Variants in PRDM10 observed in about 807,000 individuals in gnomAD.
PRDM10 encodes the protein PR domain zinc finger protein 10.
In PRDM10, 65 loss-of-function variants were observed where a neutral mutation model predicts 133.1. That is an observed-to-expected ratio of 0.49 (90% CI 0.40 to 0.60). The LOEUF is 0.60. Ranked by LOEUF, PRDM10 falls within the 20% of genes least tolerant of loss-of-function variation. PRDM10 has a pLI of 0.00. For synonymous variants in PRDM10, 582 were observed against 580.4 expected (o/e 1.00, Z -0.04); for missense variants, 1,137 against 1,507.1 (o/e 0.75, Z 4.07).
In PRDM10 at chr11:129,932,094, C is replaced by T. The variant is rs755775535; in HGVS notation, c.1287+8G>A. The T allele has an allele frequency of 2.5e-5, 41 of 1,613,120 alleles. No individual in the cohort carries two copies. The South Asian group carries it at 4.3e-4, about 17-fold the overall frequency. On this transcript the variant is annotated splice_region_variant and intron_variant, in intron 10 of 20. Coordinates refer to ENST00000360871, the MANE Select transcript of PRDM10 (RefSeq NM_199437.2). The stretch of plus-strand genomic sequence containing the variant: ...ACCTAAGGAGGGCTCCTTCCCGTCC[C>T]CCCGTACCTGTGTCCCATCGTCACT...
In PRDM10 at chr11:129,993,544, G is replaced by A. The variant is rs187074674; in HGVS notation, c.-119+9178C>T. ...GTGTCGCCCAGGCTGGAGTGCAGTG[G>A]TGCGATCTCGGATCACTGCAAGCTC... On this transcript the variant is annotated intron_variant, in intron 1 of 20. Coordinates refer to ENST00000360871, the MANE Select transcript of PRDM10 (RefSeq NM_199437.2). 2.7e-3 allele frequency among the ~76,000 whole-genome samples: 413 copies of A among 152,078 alleles called. 1 individual carries two copies. The highest frequency in any genetic ancestry group is 9.2e-3 in the African/African-American group (382 of 41,452).
chr11:129,909,169 G>A (rs1950104244), intron 19 of PRDM10, among the ~76,000 whole-genome samples: 1 of 152,038 alleles, frequency 6.6e-6, no homozygotes, highest in African/African-American at 2.4e-5. Context: ...ATAGTTTGTG[G>A]CCGGGCACAG....
chr11:129,929,267 A>T, intron 11 of PRDM10: 1 of 726,524 alleles, frequency 1.4e-6, no homozygotes, highest in South Asian at 2.4e-5. Flanking sequence ...TTACAAATAA[A>T]TTATCATTAT....
At chr11:129,976,022 G>A (rs562242550) in intron 1 of PRDM10, among the ~76,000 whole-genome samples, 29 of 152,246 alleles carry the variant, frequency 1.9e-4, no homozygotes, top group African/African-American at 7.0e-4. Flanking sequence ...TATCTCCAAG[G>A]TTTCTCAGGG....
At chr11:129,955,444 G>C (rs148249427) in intron 4 of PRDM10, 68 bp downstream of exon 4, 1 of 1,470,996 alleles carries the variant, frequency 6.8e-7, no homozygotes, top group African/African-American at 1.4e-5. Context: ...AGTGCAAAGG[G>C]ATGGGGCATT....
chr11:129,905,899 C>T (rs1024238644), intron 19 of PRDM10, among the ~76,000 whole-genome samples, 158 bp from the exon 20 acceptor site: 5 of 152,174 alleles, frequency 3.3e-5, no homozygotes, highest in East Asian at 3.8e-4. Context: ...ATCTCTGCTA[C>T]GAATTGAGAA....
chr11:129,985,400 GTACAA>G (rs1225776313), intron 1 of PRDM10, among the ~76,000 whole-genome samples: 2 of 151,928 alleles, frequency 1.3e-5, no homozygotes, highest in Non-Finnish European at 2.9e-5. Flanking sequence ...ACATGATCTC[GTACAA>G]TACAACTGTC....
Position 129,916,691 on chromosome 11 carries a change from T to C in PRDM10, c.2325+436A>G, listed in dbSNP as rs1950368530. ...ATAAATATATATTCTGTGTCTTTTCTGTAACTACATGAAAATAATGCAATA... is the reference window on the plus strand; with the variant it reads ...ATAAATATATATTCTGTGTCTTTTCCGTAACTACATGAAAATAATGCAATA... On this transcript the variant is annotated intron_variant, in intron 15 of 20. Transcript: ENST00000360871. Among the ~76,000 whole-genome samples, 2 of 152,212 alleles carry C rather than the reference T, an allele frequency of 1.3e-5. 1 individual carries two copies. Among genetic ancestry groups the C allele is most frequent in the South Asian group, 4.1e-4 (2 of 4,830 alleles).
chr11:129,923,625 C>G lies in PRDM10; in HGVS notation c.1879-222G>C, dbSNP rs1430108920. Reference sequence around the variant, plus strand: ...CAGAAAGCCTTAGAAATCCGAACCTCCCCGATGACTTGAAACGTGAGAGAG... The same window carrying G: ...CAGAAAGCCTTAGAAATCCGAACCTGCCCGATGACTTGAAACGTGAGAGAG... On this transcript the variant is annotated intron_variant, in intron 12 of 20. Coordinates refer to ENST00000360871, the MANE Select transcript of PRDM10 (RefSeq NM_199437.2). This position sits in a 1 kb window ranked among gnomAD's most constrained non-coding sequence, Gnocchi z 4.4. Among the ~76,000 whole-genome samples the G allele has an allele frequency of 6.7e-5, 9 of 134,094 alleles. No homozygotes were observed. The Admixed American group carries it at 7.8e-4, about 12-fold the overall frequency. The allele number at this position is 134,094 out of a possible 152,430, so 88.0% of individuals were successfully genotyped here.
intron 1 of PRDM10, among the ~76,000 whole-genome samples, chr11:129,967,409 CA>C (rs1219993997): frequency 6.6e-6 from 1 of 151,896 alleles, no homozygotes; most frequent in Non-Finnish European, 1.5e-5. Flanking sequence ...AAAAAATAAA[CA>C]AAAAAACCCA....
At chr11:129,943,799 C>A (rs1332486036) in intron 6 of PRDM10, among the ~76,000 whole-genome samples, 1 of 151,844 alleles carries the variant, frequency 6.6e-6, no homozygotes, top group East Asian at 2.0e-4. Context: ...TCAAGACCAT[C>A]CTGGCTAACA....
At chr11:129,926,286 CA>C (rs1362282337) in intron 11 of PRDM10, among the ~76,000 whole-genome samples, 3 of 152,178 alleles carry the variant, frequency 2.0e-5, no homozygotes, top group African/African-American at 7.2e-5. Context: ...AGCAGATCGA[CA>C]AAATCACCTC....
chr11:129,901,798 CATTTTA>C lies in PRDM10; in HGVS notation c.*509_*514del, dbSNP rs1949850811. 1 of 152,522 alleles carries C rather than the reference CATTTTA, an allele frequency of 6.6e-6. No individual in the cohort carries two copies. The highest frequency in any genetic ancestry group is 2.4e-5 in the African/African-American group (1 of 41,452). 9.4% of individuals were successfully genotyped at this position (152,522 alleles called of 1,614,324 possible). The stretch of plus-strand genomic sequence containing the variant: ...TATCACTGTCAAACTTTTGTTTCAT[CATTTTA>C]ATTTTGTTATTCAGCAGGCTCCCTT... On this transcript the variant is annotated 3_prime_UTR_variant, in exon 21 of 21. Transcript: ENST00000360871.
chr11:129,942,489 G>A lies in PRDM10; in HGVS notation c.903C>T (p.Tyr301=), dbSNP rs1408033003. Residue 301 remains tyrosine (Y), a synonymous_variant, in exon 7 of 21, where the codon TAC becomes TAT. Coordinates refer to ENST00000360871, the MANE Select transcript of PRDM10 (RefSeq NM_199437.2). The stretch of plus-strand genomic sequence containing the variant: ...TATAATACACATGGTGGCCATACTG[G>A]TAAGCCACCAGGTTCTGCTCCAGGT... The part of the protein sequence containing the change: ...QNHLEQNLVA[Y]QYGHHVYYTT... 2 of 1,613,912 alleles carry A rather than the reference G, an allele frequency of 1.2e-6. No homozygotes were observed. Among genetic ancestry groups the A allele is most frequent in the African/African-American group, 1.3e-5 (1 of 74,856 alleles).
At position 129,905,680 on chromosome 11, in the gene PRDM10, C is replaced by G. The variant is rs760638710; in HGVS notation, c.3225G>C (p.Val1075=). 9 of 1,614,170 alleles carry G rather than the reference C, an allele frequency of 5.6e-6. No individual in the cohort carries two copies. The highest frequency in any genetic ancestry group is 7.6e-6 in the Non-Finnish European group (9 of 1,180,012). ...CCTGGCCAGTAGTAACTGGAGTTGC[C>G]ACACCACTGTCTGTAATCACAAACT... ...PGQFVITDSG[V]ATPVTTGQVK... The change falls in exon 20 of 21, where the codon GTG becomes GTC. Residue 1075 remains valine, a synonymous_variant. Transcript: ENST00000360871.
At chr11:129,955,091 A>G (rs1490213428) in intron 4 of PRDM10, among the ~76,000 whole-genome samples, 1 of 152,252 alleles carries the variant, frequency 6.6e-6, no homozygotes, top group African/African-American at 2.4e-5. Context: ...GAAGAACTCA[A>G]ATTTTTAGAA....
At chr11:129,927,780 G>T (rs1049987715) in intron 11 of PRDM10, among the ~76,000 whole-genome samples, 2 of 152,096 alleles carry the variant, frequency 1.3e-5, no homozygotes, top group African/African-American at 4.8e-5. Flanking sequence ...TCGTAAAAAT[G>T]CTGAAACTGT....
At chr11:129,925,335 C>T in intron 11 of PRDM10, 106 bp from the exon 12 acceptor site, 1 of 1,090,398 alleles carries the variant, frequency 9.2e-7, no homozygotes, top group Non-Finnish European at 1.3e-6. Context: ...CACAGACTTC[C>T]CATAGAAGTT....
At chr11:129,970,670 G>A (rs181305005) in intron 1 of PRDM10, among the ~76,000 whole-genome samples, 26 of 151,746 alleles carry the variant, frequency 1.7e-4, no homozygotes, top group East Asian at 3.9e-4. Flanking sequence ...TCAGCCTCCT[G>A]AGTAGCTGGG....
Sources: allele counts gnomAD v4.1 joint callset (sites outside exome capture counted in the v4.1 genomes callset), GRCh38; gene constraint gnomAD v4.1.1; non-coding constraint Gnocchi (gnomAD v3.1); transcripts MANE v1.5; gene names NCBI Gene and HGNC (gene_info 2026-07-23, HGNC 2026-07-21).